VPS13D: variants seen among roughly 807,000 people sequenced by gnomAD.
VPS13D encodes the protein intermembrane lipid transfer protein VPS13D.
A neutral mutation model predicts 461.9 loss-of-function variants in VPS13D; 187 were observed. The ratio of observed to expected loss-of-function variants is 0.40; its 90% CI spans 0.36 to 0.46. The LOEUF (loss-of-function observed/expected upper bound fraction) is 0.46, where lower values mean the gene tolerates loss of function less well. Among genes scored for constraint, VPS13D ranks in the 20% least tolerant of loss-of-function variants. The probability of loss-of-function intolerance (pLI) is 0.60; values close to 1 mark genes in which losing one functional copy is unlikely to be tolerated. For synonymous variants in VPS13D, 1,951 were observed against 1,986.3 expected, an observed-to-expected ratio of 0.98 and a Z score of 0.47; for missense variants, 4,711 against 5,364.9, an observed-to-expected ratio of 0.88 and a Z score of 3.81.
chr1:12,508,356 G>C (rs181502427), intron 69 of VPS13D, among the ~76,000 whole-genome samples: 11 of 152,080 alleles, frequency 7.2e-5, no homozygotes, highest in African/African-American at 1.4e-4. Flanking sequence ...ATGGCCGTGG[G>C]GGGGAGTTCC....
intron 65 of VPS13D, among the ~76,000 whole-genome samples, chr1:12,424,744 A>AATGGTAGTTCAGTT (rs1644903410): frequency 6.6e-6 from 1 of 152,200 alleles, no homozygotes; most frequent in East Asian, 1.9e-4. Context: ...TTCATTTCCT[A>AATGGTAGTTCAGTT]ATGGTAGTTC....
chr1:12,464,906 TTGTC>T (rs1645461796), intron 67 of VPS13D: 2 of 152,194 alleles, frequency 1.3e-5, no homozygotes, highest in East Asian at 1.9e-4. Context: ...GGGCCACACT[TTGTC>T]TGTTCCCAAG....
At chr1:12,433,949 A>AGAGAGAGAGAGAGAGAGAGAGAGTGTGT (rs1553121770) in intron 65 of VPS13D, among the ~76,000 whole-genome samples, 3 of 144,928 alleles carry the variant, frequency 2.1e-5, no homozygotes, top group African/African-American at 7.7e-5. Flanking sequence ...AGAGAGAGAG[A>AGAGAGAGAGAGAGAGAGAGAGAGTGTGT]GTGTGTGTGT....
chr1:12,236,921 A>G (rs1640166689), intron 2 of VPS13D, among the ~76,000 whole-genome samples: 1 of 152,124 alleles, frequency 6.6e-6, no homozygotes, highest in Admixed American at 6.6e-5. Context: ...GGACTAAGAA[A>G]TTAATGTGGG....
chr1:12,506,322 A>G (rs1037272004), intron 68 of VPS13D, among the ~76,000 whole-genome samples: 5 of 152,194 alleles, frequency 3.3e-5, no homozygotes, highest in Non-Finnish European at 5.9e-5. Context: ...TACCTAAGAA[A>G]GCGTTTTCTG....
At chr1:12,346,173 C>T (rs1352292615) in intron 43 of VPS13D, among the ~76,000 whole-genome samples, 1 of 152,126 alleles carries the variant, frequency 6.6e-6, no homozygotes, top group Admixed American at 6.5e-5. Flanking sequence ...TGCAGACGTG[C>T]AGAGATATTG....
chr1:12,392,041 T>C (rs1221122443), intron 60 of VPS13D, among the ~76,000 whole-genome samples: 1 of 152,086 alleles, frequency 6.6e-6, no homozygotes, highest in African/African-American at 2.4e-5. Flanking sequence ...TTGTATTTTT[T>C]GTGGAGACAG....
In VPS13D at chr1:12,356,053, C is replaced by G. The variant is rs1386688656; in HGVS notation, c.9834C>G (p.Ile3278Met). The change falls in exon 48 of 70, where the codon ATC becomes ATG. Residue 3278 changes from isoleucine to methionine, a missense_variant. This residue lies in a region of VPS13D where 4,411 missense variants were observed against 4,937.8 expected (regional missense o/e 0.89). Coordinates refer to ENST00000620676, the MANE Select transcript of VPS13D (RefSeq NM_015378.4). ...IVCRAEGSLK[I>M]FISAPYWLIN... ...GTCGAGCAGAAGGATCCTTAAAGATCTTCATTTCTGCTCCATATTGGCTGA... is the reference window on the plus strand; with the variant it reads ...GTCGAGCAGAAGGATCCTTAAAGATGTTCATTTCTGCTCCATATTGGCTGA... 3 of 1,613,546 alleles carry G rather than the reference C, an allele frequency of 1.9e-6. No homozygotes were observed. Among genetic ancestry groups the G allele is most frequent in the Admixed American group, 3.3e-5 (2 of 59,900 alleles).
At chr1:12,384,773 C>T (rs1345064608) in intron 58 of VPS13D, among the ~76,000 whole-genome samples, 1 of 152,154 alleles carries the variant, frequency 6.6e-6, no homozygotes, top group East Asian at 1.9e-4. Flanking sequence ...TGCATGCCAC[C>T]ATGCTTAGCT....
rs1474196546 is a variant in VPS13D at position 12,386,191 on chromosome 1, G to C, written c.11491G>C (p.Val3831Leu). ...PDTEQELEVLVRLEGGIGLSL... is the reference protein window; with the variant it reads ...PDTEQELEVLLRLEGGIGLSL... ...TATTTTGGTTTCCTTTCAGGTGCTTGTGAGGTTAGAAGGTGGAATTGGGTT... is the reference window on the plus strand; with the variant it reads ...TATTTTGGTTTCCTTTCAGGTGCTTCTGAGGTTAGAAGGTGGAATTGGGTT... The change falls in exon 60 of 70, where the codon GTG (valine) becomes CTG (leucine). Residue 3831 changes from valine to leucine, a missense_variant. Val to Leu is a conservative substitution (Grantham distance 32, BLOSUM62 1). Transcript: ENST00000620676. 11 of 1,610,256 alleles carry C rather than the reference G, an allele frequency of 6.8e-6. No individual in the cohort carries two copies. Among genetic ancestry groups the C allele is most frequent in the Non-Finnish European group, 8.5e-6 (10 of 1,178,506 alleles).
intron 67 of VPS13D, among the ~76,000 whole-genome samples, chr1:12,480,143 C>A (rs1181220403): frequency 6.6e-6 from 1 of 152,204 alleles, no homozygotes; most frequent in Admixed American, 6.5e-5. Flanking sequence ...AAATAATGAA[C>A]TACTGCAGCC....
intron 2 of VPS13D, among the ~76,000 whole-genome samples, chr1:12,240,562 T>G (rs1466951311): frequency 8.8e-6 from 1 of 113,730 alleles, no homozygotes; most frequent in East Asian, 3.0e-4. Flanking sequence ...GCCATTGCCC[T>G]CCAGCCTGGG....
chr1:12,394,440 C>T (rs1052177892), intron 60 of VPS13D, among the ~76,000 whole-genome samples: 1 of 152,170 alleles, frequency 6.6e-6, no homozygotes, highest in Admixed American at 6.5e-5. Flanking sequence ...GCCCACCTTG[C>T]CTTTGACGAT....
intron 67 of VPS13D, among the ~76,000 whole-genome samples, chr1:12,472,830 T>C (rs1358476227): frequency 6.6e-6 from 1 of 152,260 alleles, no homozygotes; most frequent in Non-Finnish European, 1.5e-5. Context: ...CATGGTTCTA[T>C]GTATTATCTC....
chr1:12,361,385 T>C (rs1454944645), intron 50 of VPS13D, among the ~76,000 whole-genome samples: 1 of 141,656 alleles, frequency 7.1e-6, no homozygotes, highest in Non-Finnish European at 1.5e-5. Context: ...ATTTATTTAT[T>C]TATTTATTTA....
chr1:12,259,500 C>G (rs1025849630), intron 10 of VPS13D, among the ~76,000 whole-genome samples: 1 of 151,878 alleles, frequency 6.6e-6, no homozygotes, highest in Non-Finnish European at 1.5e-5. Flanking sequence ...GACAGGGTTT[C>G]GCTGTGTTGC....
intron 63 of VPS13D, 140 bp from the exon 64 acceptor site, chr1:12,414,947 A>G: frequency 1.0e-6 from 1 of 967,934 alleles, no homozygotes; most frequent in Non-Finnish European, 1.5e-6. Flanking sequence ...TTATAGGGAA[A>G]ATCCTTATTT....
intron 52 of VPS13D, 39 bp from the exon 53 acceptor site, chr1:12,368,429 T>C (rs1235026561): frequency 6.4e-7 from 1 of 1,571,942 alleles, no homozygotes; most frequent in African/African-American, 1.4e-5. Flanking sequence ...TCTTGTCTCC[T>C]ACATTTTATG....
In VPS13D at chr1:12,271,132, G is replaced by A. The variant is rs756110960; in HGVS notation, c.2103+8G>A. ...CTAGTGGGTGATTTCATTGTAAGTG[G>A]GCATCCATAAACACTCTTTGGGGAT... On this transcript the variant is annotated splice_region_variant and intron_variant, in intron 17 of 69. Coordinates refer to ENST00000620676, the MANE Select transcript of VPS13D (RefSeq NM_015378.4). 1.9e-6 allele frequency: 3 copies of A among 1,613,786 alleles called. No homozygotes were observed. Among genetic ancestry groups the A allele is most frequent in the Non-Finnish European group, 2.5e-6 (3 of 1,179,896 alleles).
Sources: allele counts gnomAD v4.1 joint callset (sites outside exome capture counted in the v4.1 genomes callset), GRCh38; gene constraint gnomAD v4.1.1; regional missense constraint gnomAD v4.1.1; transcripts MANE v1.5; gene names NCBI Gene and HGNC (gene_info 2026-07-23, HGNC 2026-07-21).